Variants in CD302 observed in about 807,000 individuals in gnomAD.
CD302 encodes CD302 molecule, also known as CD302 antigen.
In CD302, 23 loss-of-function variants were observed where a neutral mutation model predicts 26.5. That is an observed-to-expected ratio of 0.87 (90% confidence interval 0.62 to 1.23). CD302 has a LOEUF of 1.23. Ranked by LOEUF, CD302 falls within the 50% of genes most tolerant of loss-of-function variation. CD302 has a pLI of 0.00. For missense variants in CD302, 290 were observed against 275.5 expected, an observed-to-expected ratio of 1.05 and a Z score of -0.37; for synonymous variants, 90 against 99.4, an observed-to-expected ratio of 0.91 and a Z score of 0.56.
Position 159,780,157 on chromosome 2 carries a change from T to C in CD302, c.317A>G (p.Asp106Gly), listed in dbSNP as rs780202336. 6.2e-7 allele frequency: 1 copy of C among 1,613,634 alleles called. No individual in the cohort carries two copies. The highest frequency in any genetic ancestry group is 1.3e-5 in the African/African-American group (1 of 74,902). ...CTTATCAAATGTCATATTTGAATTA[T>C]CAAACCACTTGAAACTCGCATCTGT... ...DTDDASFKWF[D>G]NSNMTFDKWT... The change falls in exon 4 of 6, where the codon GAT (aspartate) becomes GGT (glycine). Residue 106 changes from aspartate (D) to glycine (G), a missense_variant. Asp to Gly is a moderately conservative substitution (Grantham distance 94). Coordinates refer to ENST00000259053, the MANE Select transcript of CD302 (RefSeq NM_014880.5).
chr2:159,777,949 T>C lies in CD302; in HGVS notation c.485A>G (p.Lys162Arg), dbSNP rs2125797562. Residue 162 changes from lysine (K) to arginine (R), a missense_variant, in exon 5 of 6, where the codon AAA becomes AGA. Lys to Arg is a conservative substitution (Grantham distance 26, BLOSUM62 2). Coordinates refer to ENST00000259053, the MANE Select transcript of CD302 (RefSeq NM_014880.5). ...LCKTAIPYKR[K>R]YLSDNHILIS... ...AAATCATTACTTACCTGATAAATAT[T>C]TCCTTTTGTATGGGACTAAAATACA... The C allele has an allele frequency of 2.0e-6, 2 of 1,012,092 alleles. No individual in the cohort carries two copies. The highest frequency in any genetic ancestry group is 3.3e-5 in the East Asian group (1 of 30,712). 62.7% of individuals were successfully genotyped at this position (1,012,092 alleles called of 1,614,324 possible).
intron 1 of CD302, among the ~76,000 whole-genome samples, chr2:159,788,105 C>CAAA (rs11314559): frequency 7.2e-6 from 1 of 138,228 alleles, no homozygotes; most frequent in Non-Finnish European, 1.6e-5. Flanking sequence ...GACTCCGTCT[C>CAAA]AAAAAAAAAA....
rs190200706 is a variant in CD302 at position 159,778,360 on chromosome 2, T to C, written c.470-396A>G. Among the ~76,000 whole-genome samples, 197 of 152,380 alleles carry C rather than the reference T, an allele frequency of 1.3e-3. 1 individual carries two copies. The highest frequency in any genetic ancestry group is 3.4e-3 in the Middle Eastern group (1 of 294). On this transcript the variant is annotated intron_variant, in intron 4 of 5. Transcript: ENST00000259053. The stretch of plus-strand genomic sequence containing the variant: ...CACTATTTCTGATGTTTTGAAGTTA[T>C]AGTTTAATTAAAAACTTTGTTTATG...
At chr2:159,777,820 A>G in intron 5 of CD302, 118 bp downstream of exon 5, 1 of 472,112 alleles carries the variant, frequency 2.1e-6, no homozygotes, top group South Asian at 2.3e-5. Context: ...TTCTTATAAA[A>G]ATTGTTCTAC....
chr2:159,771,089 G>T lies in CD302; in HGVS notation c.*762C>A, dbSNP rs1708132511. 1 of 151,976 alleles carries T rather than the reference G, an allele frequency of 6.6e-6. No homozygotes were observed. The highest frequency in any genetic ancestry group is 1.5e-5 in the Non-Finnish European group (1 of 67,982). The allele number at this position is 151,976 out of a possible 1,614,324, so 9.4% of individuals were successfully genotyped here. On this transcript the variant is annotated 3_prime_UTR_variant, in exon 6 of 6. Coordinates refer to ENST00000259053, the MANE Select transcript of CD302 (RefSeq NM_014880.5). ...CTTGCACAGTTTTCATGTCATTGAA[G>T]GAAAAATTTATAAATGCTTGAGGAG...
intron 1 of CD302, among the ~76,000 whole-genome samples, chr2:159,788,341 T>C (rs146183778): frequency 5.1e-4 from 77 of 152,312 alleles, no homozygotes; most frequent in Non-Finnish European, 7.9e-4. Flanking sequence ...CAAATACTTA[T>C]GTTGTGCTAC....
chr2:159,795,662 A>C (rs1349819978), intron 1 of CD302, among the ~76,000 whole-genome samples: 1 of 152,230 alleles, frequency 6.6e-6, no homozygotes, highest in East Asian at 1.9e-4. Flanking sequence ...CATGCCAAGG[A>C]CTGGGGGAAG....
At chr2:159,773,491 C>A (rs1054150072) in intron 5 of CD302, among the ~76,000 whole-genome samples, 3 of 152,148 alleles carry the variant, frequency 2.0e-5, no homozygotes, top group Admixed American at 6.5e-5. Context: ...TCTGAAAGAT[C>A]ATAGTAATTG....
intron 5 of CD302, among the ~76,000 whole-genome samples, chr2:159,776,012 C>CTTTTTTTTTTTGTTTTTTTTTTTTTTT (rs1708310765): frequency 1.2e-5 from 1 of 81,252 alleles, no homozygotes; most frequent in African/African-American, 4.3e-5. Context: ...CGGGTTTCAA[C>CTTTTTTTTTTTGTTTTTTTTTTTTTTT]TTTTTTTTTT....
At chr2:159,776,614 A>G (rs545965228) in intron 5 of CD302, among the ~76,000 whole-genome samples, 18 of 152,038 alleles carry the variant, frequency 1.2e-4, no homozygotes, top group Admixed American at 7.2e-4. Context: ...ATACACACAA[A>G]CCCAACACTT....
intron 5 of CD302, among the ~76,000 whole-genome samples, chr2:159,773,464 A>C (rs115505058): frequency 6.6e-6 from 1 of 152,222 alleles, no homozygotes; most frequent in Non-Finnish European, 1.5e-5. Flanking sequence ...GAATTACATG[A>C]TAGTAATATA....
chr2:159,771,620 C>A lies in CD302; in HGVS notation c.*231G>T. ...TCCTTCATTCAAGTGACAGATTCTG[C>A]CTTTGACGGGATGCTTAAAATCACT... On this transcript the variant is annotated 3_prime_UTR_variant, in exon 6 of 6. Transcript: ENST00000259053. 1 of 427,256 alleles carries A rather than the reference C, an allele frequency of 2.3e-6. No homozygotes were observed. The highest frequency in any genetic ancestry group is 4.1e-6 in the Non-Finnish European group (1 of 242,496). The allele number at this position is 427,256 out of a possible 1,614,324, so 26.5% of individuals were successfully genotyped here. A position where few individuals can be genotyped will look rare whatever the true frequency, so the allele number is the denominator to read the frequency against.
At chr2:159,786,045 G>C (rs973339366) in intron 1 of CD302, among the ~76,000 whole-genome samples, 1 of 152,118 alleles carries the variant, frequency 6.6e-6, no homozygotes, top group Non-Finnish European at 1.5e-5. Flanking sequence ...ACAGTGTCTC[G>C]TACAAGGAAA....
chr2:159,784,346 CTTTTTTTTTTT>C (rs151184238), intron 1 of CD302, among the ~76,000 whole-genome samples: 8 of 53,066 alleles, frequency 1.5e-4, no homozygotes, highest in South Asian at 1.1e-3. Flanking sequence ...TTAAGTTCTG[CTTTTTTTTTTT>C]TTTTTTTTTT....
At chr2:159,777,789 T>G in intron 5 of CD302, 149 bp downstream of exon 5, 1 of 385,834 alleles carries the variant, frequency 2.6e-6, no homozygotes, top group Non-Finnish European at 4.8e-6. Flanking sequence ...TTGAGTCTTA[T>G]TACTAAGAGA....
At chr2:159,796,784 A>C (rs977337450) in intron 1 of CD302, among the ~76,000 whole-genome samples, 3 of 152,210 alleles carry the variant, frequency 2.0e-5, no homozygotes, top group South Asian at 4.1e-4. Context: ...AGACATACCA[A>C]AATCTAGAAA....
Position 159,783,481 on chromosome 2 carries a change from AAAG to A in CD302, c.68-15_68-13del, listed in dbSNP as rs747632078. On this transcript the variant is annotated splice_polypyrimidine_tract_variant and intron_variant, in intron 1 of 5. Transcript: ENST00000259053. The stretch of plus-strand genomic sequence containing the variant: ...AGATGAAGGACAGTCTATGTAGAAA[AAAG>A]AAGAACACTGTTAAATAACTTGAGA... The A allele has an allele frequency of 3.8e-5, 60 of 1,567,866 alleles. No homozygotes were observed. The highest frequency in any genetic ancestry group is 4.5e-5 in the Non-Finnish European group (52 of 1,158,368).
At position 159,780,090 on chromosome 2, in the gene CD302, A is replaced by C; in HGVS notation, c.384T>G (p.Cys128Trp). 6.2e-7 allele frequency: 1 copy of C among 1,614,208 alleles called. No homozygotes were observed. Among genetic ancestry groups the C allele is most frequent in the Middle Eastern group, 1.6e-4 (1 of 6,062 alleles). The part of the protein sequence containing the change: ...QDDDEDLVDT[C>W]AFLHIKTGEW... ...CACCTGTCTTGATGTGCAGAAAAGC[A>C]CAGGTGTCAACTAAATCCTCATCAT... The change falls in exon 4 of 6, where the codon TGT (cysteine) becomes TGG (tryptophan). Residue 128 changes from cysteine to tryptophan, a missense_variant. Physicochemically the swap from Cys to Trp is radical, Grantham distance 215. Coordinates refer to ENST00000259053, the MANE Select transcript of CD302 (RefSeq NM_014880.5).
chr2:159,774,813 C>A (rs933312653), intron 5 of CD302, among the ~76,000 whole-genome samples: 3 of 152,182 alleles, frequency 2.0e-5, no homozygotes, highest in Admixed American at 2.0e-4. Context: ...AGGGAGTCTT[C>A]CAGCTTACCC....
Sources: allele counts gnomAD v4.1 joint callset (sites outside exome capture counted in the v4.1 genomes callset), GRCh38; gene constraint gnomAD v4.1.1; transcripts MANE v1.5; gene names NCBI Gene and HGNC (gene_info 2026-07-23, HGNC 2026-07-21).